DAAM1: variants seen among roughly 807,000 people sequenced by gnomAD.
DAAM1 encodes dishevelled associated activator of morphogenesis 1.
DAAM1 carries 52 observed loss-of-function variants against 130.0 expected under a neutral mutation model. That is an observed-to-expected ratio of 0.40 (90% CI 0.32 to 0.50). DAAM1 has a LOEUF of 0.50. Among genes scored for constraint, DAAM1 ranks in the 20% least tolerant of loss-of-function variants. The pLI is 0.61. For synonymous variants in DAAM1, 452 were observed against 444.5 expected, an observed-to-expected ratio of 1.02 and a Z score of -0.21; for missense variants, 1,134 against 1,303.8, an observed-to-expected ratio of 0.87 and a Z score of 2.01.
At position 59,367,239 on chromosome 14, in the gene DAAM1, G is replaced by A. The variant is rs181067476; in HGVS notation, c.2827-190G>A. Among the ~76,000 whole-genome samples the A allele has an allele frequency of 8.6e-5, 13 of 151,760 alleles. No homozygotes were observed. The East Asian group carries it at 2.3e-3, about 27-fold the overall frequency. On this transcript the variant is annotated intron_variant, in intron 23 of 24. Coordinates refer to ENST00000360909, the MANE Select transcript of DAAM1 (RefSeq NM_001270520.2). ...AGAGACAGAGGTTGCAGTGAGCTGG[G>A]ATCATGCCACTGCACTCCAGCCTGG...
At chr14:59,327,535 G>A (rs1885260750) in intron 12 of DAAM1, among the ~76,000 whole-genome samples, 1 of 149,954 alleles carries the variant, frequency 6.7e-6, no homozygotes, top group South Asian at 2.1e-4. Flanking sequence ...AGCCTCCCGA[G>A]TAGCTGGGAC....
At chr14:59,351,643 C>T (rs1200032362) in intron 17 of DAAM1, among the ~76,000 whole-genome samples, 4 of 152,112 alleles carry the variant, frequency 2.6e-5, no homozygotes, top group South Asian at 2.1e-4. Context: ...ACTGCCTTTT[C>T]TGAGGTCCCT....
In DAAM1 at chr14:59,206,315, G is replaced by A. The variant is rs1473944557; in HGVS notation, c.-38+17547G>A. ...TTTTGAGACGGAGTCTTGCTCTGTC[G>A]CCCAGTCTGGAGTACAGTGGTGCGA... On this transcript the variant is annotated intron_variant, in intron 1 of 24. Transcript: ENST00000360909. 3.3e-5 allele frequency among the ~76,000 whole-genome samples: 5 copies of A among 151,840 alleles called. No individual in the cohort carries two copies. In the South Asian group the frequency reaches 6.2e-4, roughly 19 times the overall value.
rs1291931500 is a variant in DAAM1, at chr14:59,215,346, A to G, written c.-38+26578A>G. Among the ~76,000 whole-genome samples, 5 of 152,250 alleles carry G rather than the reference A, an allele frequency of 3.3e-5. No individual in the cohort carries two copies. In the East Asian group the frequency reaches 9.6e-4, roughly 29 times the overall value. On this transcript the variant is annotated intron_variant, in intron 1 of 24. Coordinates refer to ENST00000360909, the MANE Select transcript of DAAM1 (RefSeq NM_001270520.2). ...TTCCATGGGAACATGTGCTTGGTGT[A>G]TGCCCAGAATAGTTCCTTTCAAATG...
At chr14:59,277,640 G>A (rs1157338010) in intron 2 of DAAM1, among the ~76,000 whole-genome samples, 2 of 151,824 alleles carry the variant, frequency 1.3e-5, no homozygotes, top group Admixed American at 6.6e-5. Flanking sequence ...TGATGCAAAG[G>A]TTTCTCCTTT....
chr14:59,324,045 G>C, intron 6 of DAAM1, 83 bp from the exon 7 acceptor site: 1 of 936,412 alleles, frequency 1.1e-6, no homozygotes, highest in Non-Finnish European at 1.5e-6. Flanking sequence ...AAAAAAAAAA[G>C]TTAACTTTTG....
intron 1 of DAAM1, among the ~76,000 whole-genome samples, chr14:59,246,619 A>G (rs1163922205): frequency 6.6e-6 from 1 of 152,116 alleles, no homozygotes; most frequent in African/African-American, 2.4e-5. Flanking sequence ...TTTTTGAGAA[A>G]CCACCATACT....
At chr14:59,350,940 A>G (rs1178820761) in intron 17 of DAAM1, among the ~76,000 whole-genome samples, 2 of 152,162 alleles carry the variant, frequency 1.3e-5, no homozygotes, top group African/African-American at 4.8e-5. Context: ...GCCATGCTTC[A>G]GCTTCCAAAC....
chr14:59,317,184 T>G (rs1884825971), intron 4 of DAAM1, among the ~76,000 whole-genome samples: 1 of 152,244 alleles, frequency 6.6e-6, no homozygotes, highest in Non-Finnish European at 1.5e-5. Context: ...TTTGCTATAC[T>G]TTTTGTGTCA....
chr14:59,267,895 C>CCG (rs1882520601), intron 2 of DAAM1, among the ~76,000 whole-genome samples: 2 of 95,504 alleles, frequency 2.1e-5, no homozygotes, highest in African/African-American at 8.4e-5. Flanking sequence ...TGGATATACG[C>CCG]CCCCCCCTTT....
intron 4 of DAAM1, among the ~76,000 whole-genome samples, chr14:59,319,877 T>C (rs8006239): frequency 0.75 from 114,610 of 151,962 alleles, 44,485 homozygotes; most frequent in East Asian, 0.9. Context: ...TTCATATCCA[T>C]ATTAAAGTTT....
At chr14:59,224,633 G>A (rs996475985) in intron 1 of DAAM1, among the ~76,000 whole-genome samples, 2 of 152,220 alleles carry the variant, frequency 1.3e-5, no homozygotes, top group African/African-American at 4.8e-5. Context: ...GTTTGAGTTG[G>A]TACTGGATTG....
Position 59,335,903 on chromosome 14 carries a change from T to C in DAAM1, c.1968+3983T>C, listed in dbSNP as rs112688215. On this transcript the variant is annotated intron_variant, in intron 15 of 24. Coordinates refer to ENST00000360909, the MANE Select transcript of DAAM1 (RefSeq NM_001270520.2). Reference sequence around the variant, plus strand: ...CCTTTTTTATTCTCTTTACAATTTTTATTCTATAGGTATAATTTTCACATT... The same window carrying C: ...CCTTTTTTATTCTCTTTACAATTTTCATTCTATAGGTATAATTTTCACATT... 1.4e-3 allele frequency among the ~76,000 whole-genome samples: 216 copies of C among 152,306 alleles called. 1 individual carries two copies. Among genetic ancestry groups the C allele is most frequent in the African/African-American group, 4.9e-3 (205 of 41,560 alleles).
At chr14:59,202,268 A>G (rs1352019383) in intron 1 of DAAM1, among the ~76,000 whole-genome samples, 2 of 152,114 alleles carry the variant, frequency 1.3e-5, no homozygotes, top group Non-Finnish European at 2.9e-5. Flanking sequence ...AGTCTGTTTC[A>G]TGTTGCCAGC....
At chr14:59,214,732 A>AT (rs993764456) in intron 1 of DAAM1, among the ~76,000 whole-genome samples, 18 of 151,496 alleles carry the variant, frequency 1.2e-4, no homozygotes, top group East Asian at 9.7e-4. Context: ...GATATACCAC[A>AT]TTTTTTTTTA....
In DAAM1 at chr14:59,261,471, C is replaced by T. The variant is rs532484479; in HGVS notation, c.-37-1970C>T. ...GTCTCAGTATGACCTTGCACAAGTA[C>T]ACCCTAGGCCAGGAGACATATGCTT... On this transcript the variant is annotated intron_variant, in intron 1 of 24. Transcript: ENST00000360909. Among the ~76,000 whole-genome samples the T allele has an allele frequency of 2.0e-5, 3 of 152,282 alleles. No homozygotes were observed. In the East Asian group the frequency reaches 5.8e-4, roughly 29 times the overall value.
intron 3 of DAAM1, among the ~76,000 whole-genome samples, chr14:59,295,233 G>A (rs1000161911): frequency 6.6e-6 from 1 of 152,156 alleles, no homozygotes; most frequent in African/African-American, 2.4e-5. Context: ...TTACATTTCT[G>A]TATGTGTTGA....
intron 8 of DAAM1, 71 bp downstream of exon 8, chr14:59,324,525 T>C (rs1289966887): frequency 2.1e-6 from 2 of 962,294 alleles, no homozygotes; most frequent in African/African-American, 3.3e-5. Flanking sequence ...CCTCATCAAG[T>C]GCTGGCCTGT....
chr14:59,261,314 CTGTCTCTCACTAGA>C (rs1040407327), intron 1 of DAAM1, among the ~76,000 whole-genome samples: 1 of 152,232 alleles, frequency 6.6e-6, no homozygotes, highest in African/African-American at 2.4e-5. Flanking sequence ...TGGTGAACTA[CTGTCTCTCACTAGA>C]TTATGAGCTT....
Sources: allele counts gnomAD v4.1 joint callset (sites outside exome capture counted in the v4.1 genomes callset), GRCh38; gene constraint gnomAD v4.1.1; transcripts MANE v1.5; gene names NCBI Gene and HGNC (gene_info 2026-07-23, HGNC 2026-07-21).